The following MACO1 variants were observed in gnomAD, a reference collection of about 807,000 sequenced individuals.
MACO1 encodes the protein macoilin 1.
A neutral mutation model predicts 78.7 loss-of-function variants in MACO1; 14 were observed. That is an observed-to-expected ratio of 0.18 (90% CI 0.12 to 0.28). MACO1 has a LOEUF of 0.28. MACO1 is among the 10% of genes least tolerant of loss of function. The pLI is 1.00. For missense variants in MACO1, 501 were observed against 799.0 expected, an observed-to-expected ratio of 0.63 and a Z score of 4.50; for synonymous variants, 288 against 291.6, an observed-to-expected ratio of 0.99 and a Z score of 0.12.
rs1318109081 is a variant in MACO1 at position 25,484,213 on chromosome 1, G to A, written c.1252G>A (p.Glu418Lys). 1.2e-5 allele frequency: 20 copies of A among 1,613,820 alleles called. No homozygotes were observed. Among genetic ancestry groups the A allele is most frequent in the South Asian group, 2.2e-5 (2 of 91,040 alleles). ...RSQISSLSSTERGIRSEMGQL... is the reference protein window; with the variant it reads ...RSQISSLSSTKRGIRSEMGQL... The stretch of plus-strand genomic sequence containing the variant: ...TCAGATCAGCTCCCTTTCGAGCACC[G>A]AGCGAGGGATCCGCTCAGAAATGGG... The change falls in exon 7 of 11, where the codon GAG (glutamate) becomes AAG (lysine). Residue 418 changes from glutamate to lysine, a missense_variant. By Grantham distance (56) the Glu-to-Lys change is moderately conservative. This residue lies in a region of MACO1 where 163 missense variants were observed against 271.9 expected (regional missense o/e 0.60). Coordinates refer to ENST00000374343, the MANE Select transcript of MACO1 (RefSeq NM_018202.6).
intron 6 of MACO1, among the ~76,000 whole-genome samples, chr1:25,464,667 C>A (rs1047831292): frequency 2.9e-4 from 30 of 102,382 alleles, no homozygotes; most frequent in African/African-American, 6.0e-4. Flanking sequence ...CCCACCCCCC[C>A]CCTCCGCGAA....
At chr1:25,442,170 G>A (rs1037140526) in intron 1 of MACO1, among the ~76,000 whole-genome samples, 1 of 152,210 alleles carries the variant, frequency 6.6e-6, no homozygotes, top group Non-Finnish European at 1.5e-5. Flanking sequence ...TGATTAGCAA[G>A]GCTGTAATTA....
chr1:25,432,590 A>G (rs933922668), intron 1 of MACO1, among the ~76,000 whole-genome samples: 1 of 152,238 alleles, frequency 6.6e-6, no homozygotes, highest in Non-Finnish European at 1.5e-5. Flanking sequence ...TTTTCTACAC[A>G]TAGATGGAGG....
chr1:25,465,002 A>T (rs1273068356), intron 6 of MACO1, among the ~76,000 whole-genome samples: 2 of 145,892 alleles, frequency 1.4e-5, no homozygotes, highest in Non-Finnish European at 3.0e-5. Flanking sequence ...ATATAGAGAC[A>T]GGAACTTACT....
At chr1:25,457,695 T>A (rs956474689) in intron 5 of MACO1, among the ~76,000 whole-genome samples, 3 of 152,246 alleles carry the variant, frequency 2.0e-5, no homozygotes, top group African/African-American at 4.8e-5. Context: ...CAGTAGCTAG[T>A]TTCCATTGGT....
chr1:25,448,573 T>C (rs1330746071), intron 2 of MACO1, among the ~76,000 whole-genome samples: 2 of 152,256 alleles, frequency 1.3e-5, no homozygotes, highest in Non-Finnish European at 2.9e-5. Flanking sequence ...GATCCAGTTC[T>C]TTTTCATGAT....
chr1:25,438,235 A>G (rs1197641624), intron 1 of MACO1, among the ~76,000 whole-genome samples: 2 of 152,186 alleles, frequency 1.3e-5, no homozygotes, highest in African/African-American at 4.8e-5. Context: ...AGGCGGAGAG[A>G]GAAAACAACT....
At chr1:25,486,087 TG>T (rs1416852494) in intron 8 of MACO1, among the ~76,000 whole-genome samples, 21 of 152,250 alleles carry the variant, frequency 1.4e-4, no homozygotes, top group Admixed American at 1.4e-3. Flanking sequence ...AGTCACTTTT[TG>T]TCAGACTGAT....
Position 25,462,784 on chromosome 1 carries a change from G to A in MACO1, c.1154+3892G>A, listed in dbSNP as rs189868243. Among the ~76,000 whole-genome samples, 804 of 152,334 alleles carry A rather than the reference G, an allele frequency of 5.3e-3. 6 individuals are homozygous for A. Among genetic ancestry groups the A allele is most frequent in the African/African-American group, 0.018 (743 of 41,556 alleles). On this transcript the variant is annotated intron_variant, in intron 6 of 10. Coordinates refer to ENST00000374343, the MANE Select transcript of MACO1 (RefSeq NM_018202.6). ...AATTAAGGTTTGATGGCTATTCCCT[G>A]TAAAAGGGCGGGCAGTCTGGCAGGT...
At chr1:25,484,358 A>G (rs1181593414) in intron 7 of MACO1, 84 bp downstream of exon 7, 13 of 1,400,028 alleles carry the variant, frequency 9.3e-6, no homozygotes, top group African/African-American at 2.9e-5. Flanking sequence ...CACAAGATTT[A>G]TGGTGACAGA....
chr1:25,430,941 C>CA lies in MACO1; in HGVS notation c.-158_-157insA. The CA allele has an allele frequency of 2.1e-6, 1 of 465,280 alleles. No homozygotes were observed. Among genetic ancestry groups the CA allele is most frequent in the Non-Finnish European group, 3.8e-6 (1 of 261,776 alleles). 28.8% of individuals were successfully genotyped at this position (465,280 alleles called of 1,614,324 possible). A position where few individuals can be genotyped will look rare whatever the true frequency, so the allele number is the denominator to read the frequency against. The stretch of plus-strand genomic sequence containing the variant: ...AGGCGGAGGAGGCTCCGAGCCCCCC[C>CA]TCCCCGTGCTACCCCCTCCCCCCGG... On this transcript the variant is annotated 5_prime_UTR_variant, in exon 1 of 11. Coordinates refer to ENST00000374343, the MANE Select transcript of MACO1 (RefSeq NM_018202.6).
chr1:25,491,277 C>G, intron 9 of MACO1, 133 bp from the exon 10 acceptor site: 1 of 1,225,092 alleles, frequency 8.2e-7, no homozygotes, highest in South Asian at 1.5e-5. Flanking sequence ...TTGCCTAAAC[C>G]CATGAAACAC....
intron 6 of MACO1, among the ~76,000 whole-genome samples, chr1:25,461,035 A>C (rs1275021380): frequency 6.6e-6 from 1 of 152,108 alleles, no homozygotes; most frequent in Non-Finnish European, 1.5e-5. Context: ...GCAGCCATAA[A>C]AAATGAAGAG....
At chr1:25,437,611 T>A (rs2042931090) in intron 1 of MACO1, among the ~76,000 whole-genome samples, 1 of 152,188 alleles carries the variant, frequency 6.6e-6, no homozygotes, top group Non-Finnish European at 1.5e-5. Flanking sequence ...GTCTGAGGCT[T>A]GAGTCGTCTT....
At chr1:25,483,844 G>T (rs1043995536) in intron 6 of MACO1, among the ~76,000 whole-genome samples, 2 of 152,222 alleles carry the variant, frequency 1.3e-5, no homozygotes, top group Non-Finnish European at 1.5e-5. Context: ...TCAGCAGCTC[G>T]GATGGATATT....
chr1:25,498,509 G>A lies in MACO1; in HGVS notation c.*43G>A. 1 of 1,527,544 alleles carries A rather than the reference G, an allele frequency of 6.5e-7. No individual in the cohort carries two copies. The highest frequency in any genetic ancestry group is 8.8e-7 in the Non-Finnish European group (1 of 1,131,784). The allele number at this position is 1,527,544 out of a possible 1,614,324, so 94.6% of individuals were successfully genotyped here. On this transcript the variant is annotated 3_prime_UTR_variant, in exon 11 of 11. Coordinates refer to ENST00000374343, the MANE Select transcript of MACO1 (RefSeq NM_018202.6). ...TGCCCAAAAATTTGGTTACCGGAAG[G>A]CATTGCAAAGGAGCGTCTCTGGCAG...
Position 25,499,186 on chromosome 1 carries a change from T to C in MACO1, c.*720T>C, listed in dbSNP as rs1015443689. On this transcript the variant is annotated 3_prime_UTR_variant, in exon 11 of 11. Coordinates refer to ENST00000374343, the MANE Select transcript of MACO1 (RefSeq NM_018202.6). ...GGGAAAAGACATTTCAAGAGGAAAC[T>C]TGATAATTTTAAACTCTTTTCCCCC... The C allele has an allele frequency of 3.3e-5, 5 of 152,238 alleles. No homozygotes were observed. Among genetic ancestry groups the C allele is most frequent in the African/African-American group, 1.2e-4 (5 of 41,452 alleles). 9.4% of individuals were successfully genotyped at this position (152,238 alleles called of 1,614,324 possible).
chr1:25,444,536 A>G (rs1199881486), intron 1 of MACO1, among the ~76,000 whole-genome samples: 1 of 152,106 alleles, frequency 6.6e-6, no homozygotes, highest in East Asian at 1.9e-4. Context: ...CTAGTTTCAA[A>G]CTAGATTTGT....
chr1:25,485,512 T>C lies in MACO1; in HGVS notation c.1314-101T>C. On this transcript the variant is annotated intron_variant, in intron 7 of 10. Transcript: ENST00000374343. The surrounding 1 kb of genome is among the most constrained non-coding windows in gnomAD (Gnocchi z 4.3). ...ACATTTTTGATTTGCTGTTCAAACC[T>C]CCTGTTTAATTGGCCTTAAGGTGAT... 2 of 1,237,166 alleles carry C rather than the reference T, an allele frequency of 1.6e-6. No homozygotes were observed. Among genetic ancestry groups the C allele is most frequent in the Non-Finnish European group, 2.2e-6 (2 of 895,310 alleles). 76.6% of individuals were successfully genotyped at this position (1,237,166 alleles called of 1,614,324 possible). A position where few individuals can be genotyped will look rare whatever the true frequency, so the allele number is the denominator to read the frequency against.
Sources: allele counts gnomAD v4.1 joint callset (sites outside exome capture counted in the v4.1 genomes callset), GRCh38; gene constraint gnomAD v4.1.1; regional missense constraint gnomAD v4.1.1; non-coding constraint Gnocchi (gnomAD v3.1); transcripts MANE v1.5; gene names NCBI Gene and HGNC (gene_info 2026-07-23, HGNC 2026-07-21).